The following NLGN1 variants were observed in gnomAD, a reference collection of about 807,000 sequenced individuals.
The protein encoded by NLGN1 is neuroligin-1.
A neutral mutation model predicts 65.5 loss-of-function variants in NLGN1; 12 were observed. The ratio of observed to expected loss-of-function variants is 0.18; its 90% CI spans 0.12 to 0.30. The LOEUF (loss-of-function observed/expected upper bound fraction) is 0.30, where lower values mean the gene tolerates loss of function less well. NLGN1 is among the 10% of genes least tolerant of loss of function. The probability of loss-of-function intolerance (pLI) is 1.00; values close to 1 mark genes in which losing one functional copy is unlikely to be tolerated. For missense variants in NLGN1, 750 were observed against 1,007.1 expected, an observed-to-expected ratio of 0.74 and a Z score of 3.46; for synonymous variants, 350 against 359.5, an observed-to-expected ratio of 0.97 and a Z score of 0.30.
At chr3:173,564,069 C>A (rs745826933) in intron 2 of NLGN1, among the ~76,000 whole-genome samples, 4 of 152,238 alleles carry the variant, frequency 2.6e-5, no homozygotes, top group Non-Finnish European at 5.9e-5. Flanking sequence ...TGCTTCCCTC[C>A]TTTCCCTGCT....
At chr3:173,572,188 T>C (rs1364214648) in intron 2 of NLGN1, among the ~76,000 whole-genome samples, 1 of 152,198 alleles carries the variant, frequency 6.6e-6, no homozygotes, top group East Asian at 1.9e-4. Context: ...TAGTGATAAT[T>C]TGAAAGTGTG....
intron 3 of NLGN1, among the ~76,000 whole-genome samples, chr3:173,730,117 T>C (rs1435772300): frequency 3.3e-5 from 5 of 151,450 alleles, no homozygotes; most frequent in African/African-American, 1.2e-4. Context: ...TTGGAAGGAG[T>C]TCAGTGCATA....
At chr3:173,878,992 G>A (rs1732715558) in intron 4 of NLGN1, among the ~76,000 whole-genome samples, 1 of 152,026 alleles carries the variant, frequency 6.6e-6, no homozygotes, top group Non-Finnish European at 1.5e-5. Context: ...CAGCACTTTG[G>A]GAGGCCATAG....
intron 4 of NLGN1, among the ~76,000 whole-genome samples, chr3:173,902,362 G>T (rs1737534376): frequency 1.3e-5 from 2 of 152,042 alleles, no homozygotes; most frequent in Non-Finnish European, 2.9e-5. Flanking sequence ...TTTCAGAATT[G>T]ACATAGAAAT....
At chr3:173,739,977 G>GACA (rs1774383712) in intron 3 of NLGN1, among the ~76,000 whole-genome samples, 1 of 152,028 alleles carries the variant, frequency 6.6e-6, no homozygotes, top group East Asian at 1.9e-4. Flanking sequence ...CTATATTGGG[G>GACA]ATGAGATCAT....
chr3:174,127,341 T>C (rs1294699583), intron 4 of NLGN1, among the ~76,000 whole-genome samples: 1 of 152,184 alleles, frequency 6.6e-6, no homozygotes, highest in Non-Finnish European at 1.5e-5. Flanking sequence ...TTATTTTCTA[T>C]TATTTAAGCA....
At chr3:173,776,723 G>A (rs943698135) in intron 3 of NLGN1, among the ~76,000 whole-genome samples, 7 of 152,074 alleles carry the variant, frequency 4.6e-5, no homozygotes, top group African/African-American at 1.7e-4. Context: ...GTATATAAAA[G>A]TAATGTGGTT....
At chr3:173,776,038 G>C (rs1397669531) in intron 3 of NLGN1, among the ~76,000 whole-genome samples, 1 of 152,010 alleles carries the variant, frequency 6.6e-6, no homozygotes, top group African/African-American at 2.4e-5. Flanking sequence ...TGTGCAAACT[G>C]TTTATTGCTA....
chr3:173,410,306 C>A (rs1004763454), intron 1 of NLGN1, among the ~76,000 whole-genome samples: 16 of 152,244 alleles, frequency 1.1e-4, no homozygotes, highest in Non-Finnish European at 2.1e-4. Context: ...TCATGAGAAC[C>A]CTCCATACAT....
Position 173,453,997 on chromosome 3 carries a change from G to T in NLGN1, c.-321+18919G>T, listed in dbSNP as rs117525097. On this transcript the variant is annotated intron_variant, in intron 2 of 6. Coordinates refer to ENST00000457714, the Ensembl canonical transcript of NLGN1. ...TCTTAAATAATAAGACTTGAAAGTT[G>T]AAATTGCCTCTTGATTCATTGACTG... is the stretch of plus-strand genomic sequence containing the variant. 4.1e-3 allele frequency among the ~76,000 whole-genome samples: 625 copies of T among 152,288 alleles called. 11 individuals carry two copies. The highest frequency in any genetic ancestry group is 0.037 in the East Asian group (193 of 5,188).
chr3:173,866,607 C>G (rs941009331), intron 4 of NLGN1, among the ~76,000 whole-genome samples: 3 of 152,116 alleles, frequency 2.0e-5, no homozygotes, highest in Admixed American at 2.0e-4. Context: ...ATATTCTCAA[C>G]TAAGTTTACA....
intron 4 of NLGN1, among the ~76,000 whole-genome samples, chr3:173,976,622 C>G (rs1236608185): frequency 1.1e-4 from 16 of 152,002 alleles, no homozygotes; most frequent in Non-Finnish European, 1.5e-5. Flanking sequence ...ATAAATGTGT[C>G]TTACCATGAG....
chr3:173,712,896 A>C (rs758741734), intron 3 of NLGN1, among the ~76,000 whole-genome samples: 1 of 152,154 alleles, frequency 6.6e-6, no homozygotes, highest in Non-Finnish European at 1.5e-5. Flanking sequence ...AAAATATAAA[A>C]GAGCAAGAAA....
intron 4 of NLGN1, among the ~76,000 whole-genome samples, chr3:174,127,185 C>T (rs991226444): frequency 2.0e-5 from 3 of 152,102 alleles, no homozygotes; most frequent in Admixed American, 1.3e-4. Context: ...TGTGAGAAAT[C>T]TTATCTAAAC....
intron 4 of NLGN1, among the ~76,000 whole-genome samples, chr3:174,148,989 C>T (rs1292959463): frequency 1.3e-5 from 2 of 152,108 alleles, no homozygotes; most frequent in African/African-American, 4.8e-5. Context: ...ATTTCCTACT[C>T]CTCTTTTATG....
chr3:173,900,577 A>G (rs1737158840), intron 4 of NLGN1, among the ~76,000 whole-genome samples: 1 of 151,988 alleles, frequency 6.6e-6, no homozygotes, highest in Non-Finnish European at 1.5e-5. Context: ...TGTTCTTTTT[A>G]GTTTTTCATA....
intron 3 of NLGN1, among the ~76,000 whole-genome samples, chr3:173,775,364 G>A (rs1440476643): frequency 1.3e-5 from 2 of 152,058 alleles, no homozygotes; most frequent in Non-Finnish European, 2.9e-5. Flanking sequence ...TGGTGGGAAT[G>A]TGCCATTCTC....
intron 2 of NLGN1, among the ~76,000 whole-genome samples, chr3:173,437,486 A>C (rs765864084): frequency 3.3e-5 from 5 of 152,186 alleles, no homozygotes; most frequent in Non-Finnish European, 7.3e-5. Flanking sequence ...TCCTGTGTGC[A>C]GCCCCTTGCT....
intron 3 of NLGN1, among the ~76,000 whole-genome samples, chr3:173,734,819 A>G (rs1309674996): frequency 1.3e-5 from 2 of 152,088 alleles, no homozygotes; most frequent in Admixed American, 6.6e-5. Context: ...AATATCTTCA[A>G]CAAATTATTG....
Sources: allele counts gnomAD v4.1 joint callset (sites outside exome capture counted in the v4.1 genomes callset), GRCh38; gene constraint gnomAD v4.1.1; transcripts MANE v1.5; gene names NCBI Gene and HGNC (gene_info 2026-07-23, HGNC 2026-07-21).